LIMS2: variants seen among roughly 807,000 people sequenced by gnomAD.
LIMS2 encodes the protein LIM zinc finger domain containing 2.
LIMS2 carries 30 observed loss-of-function variants against 45.3 expected under a neutral mutation model. The ratio of observed to expected loss-of-function variants is 0.66; its 90% CI spans 0.50 to 0.90. The LOEUF (loss-of-function observed/expected upper bound fraction) is 0.90. Ranked by LOEUF, LIMS2 falls within the 40% of genes least tolerant of loss-of-function variation. The probability of loss-of-function intolerance (pLI) is 0.00; values close to 1 mark genes in which losing one functional copy is unlikely to be tolerated. For missense variants in LIMS2, 485 were observed against 468.7 expected, an observed-to-expected ratio of 1.03 and a Z score of -0.32; for synonymous variants, 173 against 188.0, an observed-to-expected ratio of 0.92 and a Z score of 0.65.
intron 1 of LIMS2, among the ~76,000 whole-genome samples, chr2:127,662,013 T>C (rs1684700318): frequency 1.3e-5 from 2 of 151,658 alleles, no homozygotes; most frequent in South Asian, 4.2e-4. Flanking sequence ...CTGGGAAGAG[T>C]TGGGGGCCAG....
intron 7 of LIMS2, 188 bp downstream of exon 7, chr2:127,640,708 G>A (rs1218306288): frequency 1.6e-6 from 1 of 611,130 alleles, no homozygotes; most frequent in Non-Finnish European, 2.9e-6. Context: ...TTCAAAGGAA[G>A]ACACTGAGAC....
rs985508833 is a variant in LIMS2, at chr2:127,654,665, G to T, written c.239-121C>A. On this transcript the variant is annotated intron_variant, in intron 3 of 9. Transcript: ENST00000355119. The stretch of plus-strand genomic sequence containing the variant: ...CTGCCTGGCCCATGGGCTCCCTCGT[G>T]GGATGGTGATGCCTGTAGGGGGCCT... 2.0e-6 allele frequency: 3 copies of T among 1,532,232 alleles called. No individual in the cohort carries two copies. In the Admixed American group the frequency reaches 5.2e-5, roughly 27 times the overall value. The allele number at this position is 1,532,232 out of a possible 1,614,324, so 94.9% of individuals were successfully genotyped here.
intron 4 of LIMS2, chr2:127,650,215 C>A (rs1683587316): frequency 1.4e-6 from 1 of 729,646 alleles, no homozygotes; most frequent in Non-Finnish European, 2.3e-6. Flanking sequence ...CACCTGTGGG[C>A]AGGTGGGTCA....
Position 127,642,793 on chromosome 2 carries a change from C to A in LIMS2, c.509+130G>T. 1 of 1,025,954 alleles carries A rather than the reference C, an allele frequency of 9.7e-7. No individual in the cohort carries two copies. Among genetic ancestry groups the A allele is most frequent in the South Asian group, 1.6e-5 (1 of 61,784 alleles). 63.6% of individuals were successfully genotyped at this position (1,025,954 alleles called of 1,614,324 possible). ...CTGCCCTGCAGCCTTGCTCTCGGGA[C>A]CCCTCTGTCTGCCCACCCTGCTCCC... On this transcript the variant is annotated intron_variant, in intron 5 of 9. Coordinates refer to ENST00000355119, the MANE Select transcript of LIMS2 (RefSeq NM_001161403.3). This position sits in a 1 kb window ranked among gnomAD's most constrained non-coding sequence, Gnocchi z 5.3.
Position 127,643,086 on chromosome 2 carries a change from G to C in LIMS2, c.360-14C>G, listed in dbSNP as rs1374544038. ...CGGCAGAGATGCCTGCGGGAGGCGG[G>C]GGCATTAGGGGCAGAGCCCCCACTC... On this transcript the variant is annotated splice_polypyrimidine_tract_variant and intron_variant, in intron 4 of 9. Coordinates refer to ENST00000355119, the MANE Select transcript of LIMS2 (RefSeq NM_001161403.3). The C allele has an allele frequency of 5.1e-6, 8 of 1,556,256 alleles. No homozygotes were observed. In the African/African-American group the frequency reaches 8.1e-5, roughly 16 times the overall value.
At chr2:127,680,087 A>G (rs1342754319), upstream of LIMS2, among the ~76,000 whole-genome samples, 1 of 152,208 alleles carries the variant, frequency 6.6e-6, no homozygotes, top group Admixed American at 6.5e-5. Context: ...ACAAAGTTCA[A>G]AGCCTTCAGC....
At chr2:127,677,605 G>A (rs1049194906), upstream of LIMS2, among the ~76,000 whole-genome samples, 2 of 152,198 alleles carry the variant, frequency 1.3e-5, no homozygotes, top group African/African-American at 4.8e-5. The surrounding 1 kb of genome is among the most constrained non-coding windows in gnomAD (Gnocchi z 5.0). Context: ...GAGGTGGCAG[G>A]TGGAGGGGCA....
intron 4 of LIMS2, chr2:127,649,859 C>T (rs1683525338): frequency 1.5e-6 from 1 of 664,434 alleles, no homozygotes; most frequent in Non-Finnish European, 2.6e-6. Flanking sequence ...CAGCGCTGGC[C>T]AGTGTCTCTG....
chr2:127,664,304 A>T lies in LIMS2; in HGVS notation c.12-6742T>A, dbSNP rs944368703. ...CCACCCGCCCCGCCCCTGGCCACCT[A>T]CCCCGTGGCTGGCGGCGGGCTCTGC... is the stretch of plus-strand genomic sequence containing the variant. On this transcript the variant is annotated intron_variant, in intron 1 of 9. Transcript: ENST00000355119. The surrounding 1 kb of genome is among the most constrained non-coding windows in gnomAD (Gnocchi z 5.5). 5 of 1,233,160 alleles carry T rather than the reference A, an allele frequency of 4.1e-6. No individual in the cohort carries two copies. In the African/African-American group the frequency reaches 6.3e-5, roughly 16 times the overall value. The allele number at this position is 1,233,160 out of a possible 1,614,324, so 76.4% of individuals were successfully genotyped here.
At position 127,675,297 on chromosome 2, in the gene LIMS2, G is replaced by A. The variant is rs1417596187; in HGVS notation, c.-273C>T. The A allele has an allele frequency of 1.5e-5, 2 of 131,136 alleles. No individual in the cohort carries two copies. The highest frequency in any genetic ancestry group is 7.8e-5 in the Admixed American group (1 of 12,826). The allele number at this position is 131,136 out of a possible 1,614,324, so 8.1% of individuals were successfully genotyped here. On this transcript the variant is annotated 5_prime_UTR_variant, in exon 1 of 10. Coordinates refer to ENST00000355119, the MANE Select transcript of LIMS2 (RefSeq NM_001161403.3). Reference sequence around the variant, plus strand: ...GTTGCGGGAGTATAGGTGGGGGTGGGGGTGGCAGGTGGGGGTGGCGGCGGG... The same window carrying A: ...GTTGCGGGAGTATAGGTGGGGGTGGAGGTGGCAGGTGGGGGTGGCGGCGGG...
At chr2:127,654,662 C>G in intron 3 of LIMS2, 118 bp from the exon 4 acceptor site, 2 of 1,537,144 alleles carry the variant, frequency 1.3e-6, no homozygotes, top group African/African-American at 1.4e-5. Flanking sequence ...TGGGCTCCCT[C>G]GTGGGATGGT....
At chr2:127,673,792 G>A in intron 1 of LIMS2, 1 of 1,527,078 alleles carries the variant, frequency 6.5e-7, no homozygotes. Flanking sequence ...GATGCTCTGA[G>A]GAAAATGGGA....
chr2:127,650,192 A>C, intron 4 of LIMS2: 1 of 911,468 alleles, frequency 1.1e-6, no homozygotes, highest in Non-Finnish European at 1.7e-6. Flanking sequence ...AAGCGGTGAC[A>C]CCCCGGCCAC....
At chr2:127,645,111 T>C (rs1408911086) in intron 4 of LIMS2, among the ~76,000 whole-genome samples, 1 of 152,154 alleles carries the variant, frequency 6.6e-6, no homozygotes, top group African/African-American at 2.4e-5. Flanking sequence ...TGGAGTGACA[T>C]GTGCTTGGGT....
chr2:127,650,038 A>G (rs1683563921), intron 4 of LIMS2: 8 of 1,609,060 alleles, frequency 5.0e-6, no homozygotes, highest in Non-Finnish European at 5.9e-6. Flanking sequence ...GGTGGGCTGG[A>G]TCCAGAAAGC....
chr2:127,664,446 G>C lies in LIMS2; in HGVS notation c.12-6884C>G, dbSNP rs1684886139. 4.2e-6 allele frequency: 5 copies of C among 1,187,654 alleles called. No individual in the cohort carries two copies. In the South Asian group the frequency reaches 2.1e-4, roughly 51 times the overall value. The allele number at this position is 1,187,654 out of a possible 1,614,324, so 73.6% of individuals were successfully genotyped here. A position where few individuals can be genotyped will look rare whatever the true frequency, so the allele number is the denominator to read the frequency against. ...CGGGCCGCCTGGTGCAGGGGCTATG[G>C]GACCACCTCGGAGGGGAGGCGCGGC... On this transcript the variant is annotated intron_variant, in intron 1 of 9. Coordinates refer to ENST00000355119, the MANE Select transcript of LIMS2 (RefSeq NM_001161403.3). The surrounding 1 kb of genome is among the most constrained non-coding windows in gnomAD (Gnocchi z 5.5).
At chr2:127,680,442 T>G (rs1344909544), upstream of LIMS2, among the ~76,000 whole-genome samples, 1 of 152,130 alleles carries the variant, frequency 6.6e-6, no homozygotes, top group Non-Finnish European at 1.5e-5. Context: ...AGCAGAGCAA[T>G]CTCCTGTCTT....
chr2:127,665,449 G>A (rs1410158221), intron 1 of LIMS2, among the ~76,000 whole-genome samples: 1 of 152,174 alleles, frequency 6.6e-6, no homozygotes, highest in Non-Finnish European at 1.5e-5. Context: ...CCAACAGGAG[G>A]AGGTACTCAT....
chr2:127,657,212 C>G (rs748997006), intron 2 of LIMS2, among the ~76,000 whole-genome samples, 191 bp downstream of exon 2: 8 of 152,236 alleles, frequency 5.3e-5, no homozygotes, highest in Non-Finnish European at 7.3e-5. Flanking sequence ...TGTTAGCACC[C>G]AGGGCACCTG....
Sources: gnomAD v4.1 joint callset for allele counts (sites outside exome capture counted in the v4.1 genomes callset) on GRCh38, gnomAD v4.1.1 for gene constraint, Gnocchi (gnomAD v3.1) non-coding constraint, MANE v1.5 for transcripts, NCBI Gene and HGNC (gene_info 2026-07-23, HGNC 2026-07-21) for gene names.